Variants in SLC25A18 observed in about 807,000 individuals in gnomAD.
The protein encoded by SLC25A18 is mitochondrial glutamate carrier 2.
A neutral mutation model predicts 31.1 loss-of-function variants in SLC25A18; 24 were observed. The ratio of observed to expected loss-of-function variants is 0.77; its 90% CI spans 0.56 to 1.08. The LOEUF (loss-of-function observed/expected upper bound fraction) is 1.08, where lower values mean the gene tolerates loss of function less well. Among genes scored for constraint, SLC25A18 ranks in the 50% least tolerant of loss-of-function variants. The pLI is 0.00. For synonymous variants in SLC25A18, 173 were observed against 161.9 expected, an observed-to-expected ratio of 1.07 and a Z score of -0.52; for missense variants, 371 against 418.5, an observed-to-expected ratio of 0.89 and a Z score of 0.99.
intron 1 of SLC25A18, chr22:17,569,561 T>C (rs538203691): frequency 1.0e-6 from 1 of 963,378 alleles, no homozygotes; most frequent in South Asian, 4.8e-5. Flanking sequence ...AGTGTTTGCG[T>C]TGCATTGATT....
intron 7 of SLC25A18, among the ~76,000 whole-genome samples, chr22:17,584,253 C>T (rs576828315): frequency 5.7e-4 from 87 of 151,474 alleles, no homozygotes; most frequent in African/African-American, 1.8e-3. Context: ...ATTAGCTGGG[C>T]GTGGTGGCGG....
intron 7 of SLC25A18, among the ~76,000 whole-genome samples, chr22:17,584,402 A>AGAAC (rs2057465561): frequency 7.6e-6 from 1 of 131,290 alleles, no homozygotes; most frequent in Admixed American, 7.5e-5. Flanking sequence ...CAAAAAGAAA[A>AGAAC]GAAAGAAAGA....
At position 17,583,738 on chromosome 22, in the gene SLC25A18, G is replaced by GT. The variant is rs1240106736; in HGVS notation, c.409+206dup. 2.2e-4 allele frequency among the ~76,000 whole-genome samples: 33 copies of GT among 151,514 alleles called. No individual in the cohort carries two copies. In the East Asian group the frequency reaches 5.2e-3, roughly 24 times the overall value. On this transcript the variant is annotated intron_variant, in intron 7 of 10. Coordinates refer to ENST00000327451, the MANE Select transcript of SLC25A18 (RefSeq NM_031481.3). ...GCAGGTGGATCATTTGAGGTCAGGA[G>GT]TTCGAGACCAGCCTGCCCAACATGG...
rs191591354 is a variant in SLC25A18 at position 17,589,345 on chromosome 22, T to G, written c.731-245T>G. Among the ~76,000 whole-genome samples the G allele has an allele frequency of 3.9e-3, 588 of 151,786 alleles. 6 individuals carry two copies. The highest frequency in any genetic ancestry group is 4.4e-3 in the Non-Finnish European group (302 of 67,908). On this transcript the variant is annotated intron_variant, in intron 9 of 10. Coordinates refer to ENST00000327451, the MANE Select transcript of SLC25A18 (RefSeq NM_031481.3). ...ACAGGAACGCGCCACGCCCGGCTCA[T>G]TTTTGTATTTTTAGTAGAGATGGGG...
intron 2 of SLC25A18, among the ~76,000 whole-genome samples, chr22:17,579,329 C>T (rs796264969): frequency 1.2e-4 from 19 of 152,232 alleles, no homozygotes; most frequent in African/African-American, 4.1e-4. Flanking sequence ...TCAGGCAATC[C>T]GCCCGCCTCG....
intron 8 of SLC25A18, 32 bp downstream of exon 8, chr22:17,587,333 T>A (rs1464542927): frequency 6.3e-7 from 1 of 1,588,442 alleles, no homozygotes; most frequent in Non-Finnish European, 8.5e-7. Context: ...CTAGGACAAG[T>A]GCACGGGGGA....
rs1167850188 is a variant in SLC25A18 at position 17,579,799 on chromosome 22, C to A, written c.-146C>A. On this transcript the variant is annotated 5_prime_UTR_variant, in exon 3 of 11. Transcript: ENST00000327451. ...CACTTGCCGGGAAGGTGGCTCGGGC[C>A]AGGCTGCACTCAAAACCCGTGCTCT... The A allele has an allele frequency of 2.8e-6, 4 of 1,419,740 alleles. No homozygotes were observed. Among genetic ancestry groups the A allele is most frequent in the African/African-American group, 2.9e-5 (2 of 69,262 alleles). 87.9% of individuals were successfully genotyped at this position (1,419,740 alleles called of 1,614,324 possible). A position where few individuals can be genotyped will look rare whatever the true frequency, so the allele number is the denominator to read the frequency against.
At chr22:17,570,732 C>T (rs1446625101) in intron 2 of SLC25A18, among the ~76,000 whole-genome samples, 3 of 152,278 alleles carry the variant, frequency 2.0e-5, no homozygotes, top group South Asian at 2.1e-4. Context: ...GTGATCTGCC[C>T]GCCTTGGCCT....
intron 2 of SLC25A18, among the ~76,000 whole-genome samples, chr22:17,578,394 C>T (rs2057287250): frequency 6.6e-6 from 1 of 152,252 alleles, no homozygotes; most frequent in Non-Finnish European, 1.5e-5. Flanking sequence ...AAGAGAAAGA[C>T]TAATGTCTCC....
intron 2 of SLC25A18, among the ~76,000 whole-genome samples, chr22:17,574,377 G>A (rs938092536): frequency 6.6e-6 from 1 of 152,146 alleles, no homozygotes; most frequent in Non-Finnish European, 1.5e-5. Context: ...TAGCCACCCA[G>A]GCTCCCCACG....
At position 17,587,790 on chromosome 22, in the gene SLC25A18, G is replaced by A. The variant is rs187917982; in HGVS notation, c.576-135G>A. On this transcript the variant is annotated intron_variant, in intron 8 of 10. Coordinates refer to ENST00000327451, the MANE Select transcript of SLC25A18 (RefSeq NM_031481.3). ...GCTGTCCCTCACCCACGCTCACGGG[G>A]CACAAAAGAAGGGATGAGTCCCCGT... 1.1e-4 allele frequency: 121 copies of A among 1,074,312 alleles called. 2 individuals carry two copies. In the East Asian group the frequency reaches 2.6e-3, roughly 23 times the overall value. The allele number at this position is 1,074,312 out of a possible 1,614,324, so 66.5% of individuals were successfully genotyped here.
intron 3 of SLC25A18, 165 bp downstream of exon 3, chr22:17,580,129 T>C: frequency 1.7e-6 from 1 of 601,722 alleles, no homozygotes; most frequent in East Asian, 2.9e-5. Context: ...GGCAAATACG[T>C]ACACACAAGC....
intron 1 of SLC25A18, among the ~76,000 whole-genome samples, chr22:17,565,885 G>A (rs566625155): frequency 3.3e-5 from 5 of 151,968 alleles, no homozygotes; most frequent in Non-Finnish European, 7.4e-5. Context: ...AAAGAGATGG[G>A]GTCTTGGATG....
chr22:17,583,536 T>TG lies in SLC25A18; in HGVS notation c.409+3dup. ...AGCTGCAGGATGCTGGACGCCTGGG[T>TG]GAGGCCTGTCCCCACCTCCTATGGG... On this transcript the variant is annotated splice_region_variant and intron_variant, in intron 7 of 10. Coordinates refer to ENST00000327451, the MANE Select transcript of SLC25A18 (RefSeq NM_031481.3). The TG allele has an allele frequency of 6.2e-7, 1 of 1,613,272 alleles. No individual in the cohort carries two copies. Among genetic ancestry groups the TG allele is most frequent in the Non-Finnish European group, 8.5e-7 (1 of 1,179,964 alleles).
intron 2 of SLC25A18, among the ~76,000 whole-genome samples, chr22:17,578,530 G>C (rs1042063282): frequency 9.2e-5 from 14 of 152,194 alleles, no homozygotes; most frequent in African/African-American, 3.4e-4. Context: ...CCCTAAAGCA[G>C]CTTCAGGGCA....
intron 2 of SLC25A18, among the ~76,000 whole-genome samples, chr22:17,576,421 G>C (rs1307868960): frequency 2.6e-5 from 4 of 152,034 alleles, no homozygotes; most frequent in African/African-American, 9.7e-5. Context: ...ATTCAATTCT[G>C]TGGAGGGCAA....
chr22:17,590,015 C>T, intron 10 of SLC25A18, 80 bp from the exon 11 acceptor site: 2 of 1,571,310 alleles, frequency 1.3e-6, no homozygotes, highest in Non-Finnish European at 1.7e-6. Flanking sequence ...ATGAGAGGTG[C>T]ACAAATGGAG....
chr22:17,569,659 T>C (rs894001660), intron 1 of SLC25A18: 9 of 985,318 alleles, frequency 9.1e-6, no homozygotes, highest in African/African-American at 1.7e-5. Flanking sequence ...TTAAAATCTT[T>C]TCCCAGCCTG....
At chr22:17,579,485 A>G (rs36050117) in intron 2 of SLC25A18, among the ~76,000 whole-genome samples, 13,814 of 152,152 alleles carry the variant, frequency 0.091, 809 homozygotes, top group Non-Finnish European at 0.13. Context: ...TGCTTCCTCC[A>G]GTGCCACTCC....
Sources: gnomAD v4.1 joint callset for allele counts (sites outside exome capture counted in the v4.1 genomes callset) on GRCh38, gnomAD v4.1.1 for gene constraint, MANE v1.5 for transcripts, NCBI Gene and HGNC (gene_info 2026-07-23, HGNC 2026-07-21) for gene names.